The following URI1 variants were observed in gnomAD, a reference collection of about 807,000 sequenced individuals.
URI1 encodes URI1 prefoldin like chaperone, also known as unconventional prefoldin RPB5 interactor 1.
URI1 carries 39 observed loss-of-function variants against 60.2 expected under a neutral mutation model. The ratio of observed to expected loss-of-function variants is 0.65; its 90% confidence interval spans 0.50 to 0.85. The LOEUF is 0.85. URI1 is among the 40% of genes least tolerant of loss of function. The pLI is 0.00. For synonymous variants in URI1, 251 were observed against 236.8 expected, an observed-to-expected ratio of 1.06 and a Z score of -0.55; for missense variants, 691 against 665.9, an observed-to-expected ratio of 1.04 and a Z score of -0.42.
At chr19:30,005,614 G>A in intron 5 of URI1, 37 bp from the exon 6 acceptor site, 2 of 1,597,700 alleles carry the variant, frequency 1.3e-6, no homozygotes, top group South Asian at 2.3e-5. Context: ...CTGGAGATTT[G>A]TGTTGTTAAT....
intron 2 of URI1, among the ~76,000 whole-genome samples, chr19:29,977,551 A>C (rs1051958625): frequency 2.8e-5 from 3 of 108,350 alleles, no homozygotes; most frequent in South Asian, 2.9e-4. Flanking sequence ...TCTTTATGTT[A>C]TTTTTTCTTT....
At chr19:30,007,717 AAAT>A in intron 7 of URI1, 79 bp downstream of exon 7, 1 of 1,281,950 alleles carries the variant, frequency 7.8e-7, no homozygotes, top group Non-Finnish European at 1.1e-6. Context: ...TTCATTAATA[AAAT>A]AATATGTGTT....
chr19:29,985,379 C>A, intron 3 of URI1, 78 bp downstream of exon 3: 5 of 1,253,234 alleles, frequency 4.0e-6, no homozygotes, highest in Non-Finnish European at 4.6e-6. Context: ...CACAGAATGT[C>A]AGGCTGATGG....
At chr19:29,965,309 G>A (rs1202957902) in intron 1 of URI1, among the ~76,000 whole-genome samples, 2 of 152,144 alleles carry the variant, frequency 1.3e-5, no homozygotes, top group South Asian at 2.1e-4. Flanking sequence ...TGGGAGAAGG[G>A]CAGGGTTTCT....
intron 1 of URI1, among the ~76,000 whole-genome samples, chr19:29,953,014 C>T (rs370231143): frequency 5.3e-5 from 8 of 151,998 alleles, no homozygotes; most frequent in Admixed American, 3.9e-4. Flanking sequence ...ATGATTTTAG[C>T]GCTTATATTT....
chr19:29,931,270 G>A (rs1298518352), intron 1 of URI1, among the ~76,000 whole-genome samples: 1 of 152,062 alleles, frequency 6.6e-6, no homozygotes, highest in African/African-American at 2.4e-5. Flanking sequence ...CATGACAGGT[G>A]GCTTAAACAA....
rs335050 is a variant in URI1 at position 29,951,410 on chromosome 19, A to C, written c.117+8746A>C. 6.8e-3 allele frequency among the ~76,000 whole-genome samples: 1,039 copies of C among 152,146 alleles called. 12 individuals carry two copies. Among genetic ancestry groups the C allele is most frequent in the African/African-American group, 0.02 (833 of 41,476 alleles). ...TTTTTCGAGCAACAAGAACTCTAGC[A>C]CCCCCCCCTTTAGTTTCACAATAAA... On this transcript the variant is annotated intron_variant, in intron 1 of 10. Coordinates refer to ENST00000392271, the MANE Select transcript of URI1 (RefSeq NM_003796.3).
intron 6 of URI1, among the ~76,000 whole-genome samples, chr19:30,006,253 G>A (rs1053027240): frequency 6.6e-6 from 1 of 152,096 alleles, no homozygotes; most frequent in African/African-American, 2.4e-5. Context: ...TAAAGCCAAT[G>A]GTTCCTTCGT....
At chr19:29,956,665 C>T in intron 1 of URI1, 2 of 1,534,588 alleles carry the variant, frequency 1.3e-6, no homozygotes, top group South Asian at 2.2e-5. Context: ...AACAAGAGAC[C>T]CATTCTGGAT....
At position 30,015,111 on chromosome 19, in the gene URI1, TG is replaced by T; in HGVS notation, c.*43del. 1 of 1,590,708 alleles carries T rather than the reference TG, an allele frequency of 6.3e-7. No homozygotes were observed. Among genetic ancestry groups the T allele is most frequent in the Non-Finnish European group, 8.5e-7 (1 of 1,170,420 alleles). On this transcript the variant is annotated 3_prime_UTR_variant, in exon 11 of 11. Coordinates refer to ENST00000392271, the MANE Select transcript of URI1 (RefSeq NM_003796.3). ...GGGAATTTACATCCTAAAACCTAGTTGTTCATTTGTTTAGAGTATCTATAGC... is the reference window on the plus strand; with the variant it reads ...GGGAATTTACATCCTAAAACCTAGTTTTCATTTGTTTAGAGTATCTATAGC...
rs192073571 is a variant in URI1 at position 30,015,198 on chromosome 19, T to C, written c.*129T>C. 2.8e-6 allele frequency: 4 copies of C among 1,439,336 alleles called. No homozygotes were observed. In the African/African-American group the frequency reaches 5.7e-5, roughly 21 times the overall value. 89.2% of individuals were successfully genotyped at this position (1,439,336 alleles called of 1,614,324 possible). A position where few individuals can be genotyped will look rare whatever the true frequency, so the allele number is the denominator to read the frequency against. On this transcript the variant is annotated 3_prime_UTR_variant, in exon 11 of 11. Coordinates refer to ENST00000392271, the MANE Select transcript of URI1 (RefSeq NM_003796.3). ...TGAGTTACTTTGGCAACAAGTTCTT[T>C]TACCCTTACCCGTGGTATTTGAAAA...
chr19:29,972,368 G>A (rs1176788037), intron 2 of URI1, among the ~76,000 whole-genome samples: 1 of 152,088 alleles, frequency 6.6e-6, no homozygotes, highest in Admixed American at 6.6e-5. Flanking sequence ...ATTCAGTTCA[G>A]GTTAAAACTT....
intron 8 of URI1, among the ~76,000 whole-genome samples, chr19:30,010,839 A>G (rs1303401504): frequency 6.6e-6 from 1 of 152,146 alleles, no homozygotes; most frequent in Non-Finnish European, 1.5e-5. Context: ...GTTCAAATGT[A>G]TTTTGCTTTC....
intron 1 of URI1, among the ~76,000 whole-genome samples, chr19:29,951,117 C>A (rs765331931): frequency 6.6e-6 from 1 of 152,234 alleles, no homozygotes; most frequent in Non-Finnish European, 1.5e-5. Flanking sequence ...CACATACACG[C>A]GTGATTACAT....
At chr19:29,956,347 A>C in intron 1 of URI1, 1 of 1,073,958 alleles carries the variant, frequency 9.3e-7, no homozygotes, top group African/African-American at 1.6e-5. Context: ...CATCATTGAA[A>C]TATCACAAGT....
At chr19:29,923,660 CTT>C (rs1384027520) in exon 1 of URI1, 1 of 1,534,968 alleles carries the variant, frequency 6.5e-7, no homozygotes, top group Admixed American at 2.0e-5. Flanking sequence ...TCTTCTCACT[CTT>C]TTCCAGGCTC....
chr19:29,939,096 G>A (rs140228399), upstream of URI1, among the ~76,000 whole-genome samples: 2,609 of 151,550 alleles, frequency 0.017, 31 homozygotes, highest in Non-Finnish European at 0.023. Flanking sequence ...TCCTGCCTCA[G>A]CCTCCCCAGT....
chr19:29,953,367 T>A (rs1010086711), intron 1 of URI1, among the ~76,000 whole-genome samples: 53 of 152,158 alleles, frequency 3.5e-4, no homozygotes, highest in Non-Finnish European at 5.0e-4. Context: ...AAAAAAAAAA[T>A]TTATTGGACT....
In URI1 at chr19:30,015,665, A is replaced by C. The variant is rs1284498985; in HGVS notation, c.*596A>C. On this transcript the variant is annotated 3_prime_UTR_variant, in exon 11 of 11. Coordinates refer to ENST00000392271, the MANE Select transcript of URI1 (RefSeq NM_003796.3). The stretch of plus-strand genomic sequence containing the variant: ...TTTCTTTGGAAAGATATTTTGTAAA[A>C]CTTTTTTTTCCAAGTAAAAACTTTA... The C allele has an allele frequency of 1.4e-6, 2 of 1,381,604 alleles. No homozygotes were observed. The highest frequency in any genetic ancestry group is 5.0e-5 in the East Asian group (2 of 39,834). The allele number at this position is 1,381,604 out of a possible 1,614,324, so 85.6% of individuals were successfully genotyped here. A position where few individuals can be genotyped will look rare whatever the true frequency, so the allele number is the denominator to read the frequency against.
Sources: gnomAD v4.1 joint callset for allele counts (sites outside exome capture counted in the v4.1 genomes callset) on GRCh38, gnomAD v4.1.1 for gene constraint, MANE v1.5 for transcripts, NCBI Gene and HGNC (gene_info 2026-07-23, HGNC 2026-07-21) for gene names.